BRD1: variants seen among roughly 807,000 people sequenced by gnomAD.
BRD1 encodes the protein bromodomain-containing protein 1.
In BRD1, 24 loss-of-function variants were observed where a neutral mutation model predicts 107.7. That is an observed-to-expected ratio of 0.22 (90% CI 0.16 to 0.31). The LOEUF is 0.31. Ranked by LOEUF, BRD1 falls within the 10% of genes least tolerant of loss-of-function variation. The pLI, the probability that BRD1 is intolerant of heterozygous loss-of-function variation, is 1.00. For missense variants in BRD1, 1,279 were observed against 1,638.6 expected, an observed-to-expected ratio of 0.78 and a Z score of 3.79; for synonymous variants, 744 against 686.1, an observed-to-expected ratio of 1.08 and a Z score of -1.32.
chr22:49,823,123 T>A lies in BRD1; in HGVS notation c.1195A>T (p.Asn399Tyr). The change falls in exon 2 of 13, where the codon AAT becomes TAT. Residue 399 changes from asparagine (N) to tyrosine (Y), a missense_variant. Coordinates refer to ENST00000404760, the MANE Select transcript of BRD1 (RefSeq NM_001304808.3). ...TPPGCTRRPL[N>Y]IYGDVEMKNG... ...TTCATTTCGACATCCCCGTAAATAT[T>A]CAGAGGCCTCCGGGTGCAGCCTGGA... The A allele has an allele frequency of 6.2e-7, 1 of 1,614,200 alleles. No homozygotes were observed. Among genetic ancestry groups the A allele is most frequent in the South Asian group, 1.1e-5 (1 of 91,082 alleles).
At chr22:49,827,393 C>G (rs2060158019) in intron 1 of BRD1, 104 bp downstream of exon 1, 1 of 149,832 alleles carries the variant, frequency 6.7e-6, no homozygotes, top group Non-Finnish European at 1.4e-5. Flanking sequence ...CCAAACATGG[C>G]GTCGGCACCA....
At chr22:49,786,770 G>T (rs548666507) in intron 8 of BRD1, among the ~76,000 whole-genome samples, 1 of 152,288 alleles carries the variant, frequency 6.6e-6, no homozygotes, top group Admixed American at 6.5e-5. Flanking sequence ...GCAAAGTCAA[G>T]ATGACCAATT....
At position 49,794,345 on chromosome 22, in the gene BRD1, G is replaced by T. The variant is rs756782449; in HGVS notation, c.2099-51C>A. ...GTCATCAGGTCCCACGCACCTTCTG[G>T]GAACACATCACCGGTCCCGTCTTTC... On this transcript the variant is annotated intron_variant, in intron 6 of 12. Transcript: ENST00000404760. 6 of 1,559,010 alleles carry T rather than the reference G, an allele frequency of 3.8e-6. No homozygotes were observed. The East Asian group carries it at 1.4e-4, about 35-fold the overall frequency.
Position 49,821,901 on chromosome 22 carries a change from G to A in BRD1, c.1367+1050C>T, listed in dbSNP as rs115980083. Among the ~76,000 whole-genome samples the A allele has an allele frequency of 9.6e-3, 1,468 of 152,334 alleles. 26 individuals carry two copies. The highest frequency in any genetic ancestry group is 0.034 in the African/African-American group (1,421 of 41,566). ...GCTCTACCCGCCCTGTTGACCGGCAGGCCCCATCTGTGCTCACAGCTCCTC... is the reference window on the plus strand; with the variant it reads ...GCTCTACCCGCCCTGTTGACCGGCAAGCCCCATCTGTGCTCACAGCTCCTC... On this transcript the variant is annotated intron_variant, in intron 2 of 12. Transcript: ENST00000404760.
chr22:49,801,579 C>T (rs939491710), intron 3 of BRD1, among the ~76,000 whole-genome samples: 1 of 152,270 alleles, frequency 6.6e-6, no homozygotes, highest in Admixed American at 6.5e-5. Context: ...TCCAGGCTCT[C>T]CACGCCGACT....
chr22:49,801,717 T>G (rs2059644709), intron 3 of BRD1, among the ~76,000 whole-genome samples: 1 of 152,214 alleles, frequency 6.6e-6, no homozygotes, highest in African/African-American at 2.4e-5. Context: ...ACAAACGTAT[T>G]CTGCACACAA....
In BRD1 at chr22:49,823,702, C is replaced by G. The variant is rs1326632234; in HGVS notation, c.616G>C (p.Glu206Gln). Residue 206 changes from glutamate (E) to glutamine (Q), a missense_variant, in exon 2 of 13, where the codon GAG becomes CAG. Physicochemically the swap from Glu to Gln is conservative, Grantham distance 29. Transcript: ENST00000404760. ...ESHCENQKQG[E>Q]QQSLIDEDAV... ...TCCTCGTCGATCAGAGACTGCTGCT[C>G]GCCCTGCTTCTGGTTCTCGCAGTGC... 1.2e-6 allele frequency: 2 copies of G among 1,613,698 alleles called. No individual in the cohort carries two copies. Among genetic ancestry groups the G allele is most frequent in the Non-Finnish European group, 1.7e-6 (2 of 1,179,932 alleles).
rs1601632681 is a variant in BRD1 at position 49,787,392 on chromosome 22, G to A, written c.2855C>T (p.Ala952Val). 6.2e-7 allele frequency: 1 copy of A among 1,602,864 alleles called. No individual in the cohort carries two copies. The highest frequency in any genetic ancestry group is 1.4e-5 in the African/African-American group (1 of 73,568). The change falls in exon 8 of 13, where the codon GCA becomes GTA. Residue 952 changes from alanine to valine, a missense_variant and splice_region_variant. Around this residue, in one of 7 missense-constraint regions of BRD1, gnomAD observed 263 missense variants for 251.6 expected, o/e 1.05. Transcript: ENST00000404760. Reference protein sequence around the residue: ...EEESPGKRLDAGLTNGFGGAR... With the variant: ...EEESPGKRLDVGLTNGFGGAR... ...TCAGGGCCGCCCGCGGCATTTACCT[G>A]CGTCCAGGCGCTTTCCTGGGGACTC...
At chr22:49,787,368 C>T in intron 8 of BRD1, 22 bp downstream of exon 8, 2 of 1,526,622 alleles carry the variant, frequency 1.3e-6, no homozygotes, top group Non-Finnish European at 8.9e-7. Flanking sequence ...GGGCGCCTCT[C>T]AGGGCCGCCC....
At chr22:49,786,284 G>A (rs551681225) in intron 8 of BRD1, among the ~76,000 whole-genome samples, 2 of 152,298 alleles carry the variant, frequency 1.3e-5, no homozygotes, top group Non-Finnish European at 2.9e-5. Context: ...CTCCAGAAGC[G>A]CAGCCAGTAC....
chr22:49,787,928 A>G (rs1285320791), intron 7 of BRD1, 41 bp from the exon 8 acceptor site: 1 of 1,435,306 alleles, frequency 7.0e-7, no homozygotes, highest in Non-Finnish European at 9.3e-7. Flanking sequence ...AAAACTGAAG[A>G]TTATAAAATC....
At chr22:49,818,358 A>G in intron 2 of BRD1, 1 of 1,228,790 alleles carries the variant, frequency 8.1e-7, no homozygotes, top group Non-Finnish European at 1.0e-6. Context: ...CTTTTAAGAC[A>G]CTTTCTACTT....
At chr22:49,808,897 T>C (rs760395079) in intron 2 of BRD1, among the ~76,000 whole-genome samples, 10 of 151,978 alleles carry the variant, frequency 6.6e-5, no homozygotes, top group Non-Finnish European at 1.2e-4. Flanking sequence ...GGCAGGCAGA[T>C]CATGAGGTCA....
In BRD1 at chr22:49,798,065, C is replaced by T; in HGVS notation, c.1838G>A (p.Arg613Lys). 6.2e-7 allele frequency: 1 copy of T among 1,613,982 alleles called. No individual in the cohort carries two copies. Among genetic ancestry groups the T allele is most frequent in the Non-Finnish European group, 8.5e-7 (1 of 1,179,838 alleles). The change falls in exon 6 of 13, where the codon AGG becomes AAG. Residue 613 changes from arginine to lysine, a missense_variant. Arg to Lys is a conservative substitution (Grantham distance 26). This residue lies in a region of BRD1 where 406 missense variants were observed against 519.4 expected (regional missense o/e 0.78). Coordinates refer to ENST00000404760, the MANE Select transcript of BRD1 (RefSeq NM_001304808.3). ...ATACCCTTGAGCTTCTAACCGTTTC[C>T]TCATTGTGGCAAAGTCCATGGGATG... ...IKHPMDFATM[R>K]KRLEAQGYKN...
At chr22:49,775,815 AC>A (rs758380473) in intron 11 of BRD1, 70 bp from the exon 12 acceptor site, 119,116 of 1,103,888 alleles carry the variant, frequency 0.11, 5,422 homozygotes, top group African/African-American at 0.16. Context: ...TGTCACTGGC[AC>A]CCCCCCCCGC....
chr22:49,808,510 G>A (rs775817364), intron 2 of BRD1, among the ~76,000 whole-genome samples: 5 of 152,150 alleles, frequency 3.3e-5, no homozygotes, highest in South Asian at 2.1e-4. Context: ...GTGAACGCCC[G>A]CAGCCAGGGA....
intron 8 of BRD1, among the ~76,000 whole-genome samples, chr22:49,787,026 G>A (rs1447750654): frequency 6.6e-6 from 1 of 151,980 alleles, no homozygotes; most frequent in African/African-American, 2.4e-5. Flanking sequence ...CCCAGGAGTT[G>A]GAGGCTGCAG....
At position 49,783,317 on chromosome 22, in the gene BRD1, T is replaced by C. The variant is rs10427974; in HGVS notation, c.2857+4073A>G. ...ACAGCAGCACTGCTCAAGAATCCAC[T>C]GGGCATTGTGGGGAAAAAACAGAGG... On this transcript the variant is annotated intron_variant, in intron 8 of 12. Transcript: ENST00000404760. This position sits in a 1 kb window ranked among gnomAD's most constrained non-coding sequence, Gnocchi z 4.2. Among the ~76,000 whole-genome samples, 4,694 of 152,260 alleles carry C rather than the reference T, an allele frequency of 0.031. 93 individuals carry two copies. The highest frequency in any genetic ancestry group is 0.099 in the Middle Eastern group (29 of 294).
chr22:49,815,831 C>A, intron 2 of BRD1, among the ~76,000 whole-genome samples: 1 of 152,360 alleles, frequency 6.6e-6, no homozygotes, highest in East Asian at 1.9e-4. Context: ...ACCTGCCCTG[C>A]AGCTCCTCCT....
Sources: gnomAD v4.1 joint callset for allele counts (sites outside exome capture counted in the v4.1 genomes callset) on GRCh38, gnomAD v4.1.1 for gene constraint, gnomAD v4.1.1 regional missense constraint, Gnocchi (gnomAD v3.1) non-coding constraint, MANE v1.5 for transcripts, NCBI Gene and HGNC (gene_info 2026-07-23, HGNC 2026-07-21) for gene names.